Variants in DYNC2I1 observed in about 807,000 individuals in gnomAD.
DYNC2I1 encodes the protein cytoplasmic dynein 2 intermediate chain 1.
In DYNC2I1, 89 loss-of-function variants were observed where a neutral mutation model predicts 133.4. The observed-to-expected ratio is 0.67, with a 90% CI of 0.56 to 0.80. DYNC2I1 has a LOEUF of 0.80. Among genes scored for constraint, DYNC2I1 ranks in the 30% least tolerant of loss-of-function variants. The pLI is 0.00. For missense variants in DYNC2I1, 1,291 were observed against 1,314.5 expected (o/e 0.98, Z 0.28); for synonymous variants, 504 against 484.3 (o/e 1.04, Z -0.54).
intron 1 of DYNC2I1, 45 bp from the exon 2 acceptor site, chr7:158,869,810 A>G: frequency 7.8e-7 from 1 of 1,289,016 alleles, no homozygotes; most frequent in Non-Finnish European, 1.1e-6. Flanking sequence ...ACAACACTGA[A>G]AATAAATTAT....
rs1848741334 is a variant in DYNC2I1, at chr7:158,918,856, AC to A, written c.1910del (p.Pro637HisfsTer57). The part of the protein sequence containing the change: ...DSSSQLNTSL[P>X]FLQNRKVSSL... Reference sequence around the variant, plus strand: ...GCTCATCTCAGCTGAACACCAGTCTACCATTCCTTCAAAGTAAGAGGCTGTT... The same window carrying A: ...GCTCATCTCAGCTGAACACCAGTCTACATTCCTTCAAAGTAAGAGGCTGTT... On this transcript the variant is annotated frameshift_variant, in exon 15 of 25. Coordinates refer to ENST00000407559, the MANE Select transcript of DYNC2I1 (RefSeq NM_018051.5). LOFTEE classifies it high-confidence loss of function. 6.2e-7 allele frequency: 1 copy of A among 1,612,850 alleles called. No individual in the cohort carries two copies. The highest frequency in any genetic ancestry group is 1.3e-5 in the African/African-American group (1 of 74,892).
At chr7:158,901,848 TA>T in intron 9 of DYNC2I1, 32 bp downstream of exon 9, 1 of 1,430,914 alleles carries the variant, frequency 7.0e-7, no homozygotes, top group Non-Finnish European at 9.5e-7. Context: ...TTCCTTAGCT[TA>T]AAAATCATTT....
rs150033298 is a variant in DYNC2I1 at position 158,921,725 on chromosome 7, G to A, written c.1922-652G>A. 3.2e-3 allele frequency among the ~76,000 whole-genome samples: 494 copies of A among 152,300 alleles called. 4 individuals carry two copies. Among genetic ancestry groups the A allele is most frequent in the African/African-American group, 0.011 (465 of 41,556 alleles). On this transcript the variant is annotated intron_variant, in intron 15 of 24. Transcript: ENST00000407559. ...GGTGTGTGTGTGGCTGGGGTTGGCC[G>A]GGTGCTGCTTTCCACATTGACTTGG...
intron 1 of DYNC2I1, among the ~76,000 whole-genome samples, chr7:158,865,862 G>C (rs768671724): frequency 6.6e-6 from 1 of 152,122 alleles, no homozygotes; most frequent in Non-Finnish European, 1.5e-5. Flanking sequence ...CAGGGAAGTC[G>C]TAAATCACTG....
the DYNC2I1 span, among the ~76,000 whole-genome samples, chr7:158,845,237 T>G: frequency 6.6e-6 from 1 of 152,168 alleles, no homozygotes; most frequent in African/African-American, 2.4e-5. Flanking sequence ...GATTTTTTTT[T>G]GTATGGTGAG....
At chr7:158,887,911 A>T (rs898522838) in intron 7 of DYNC2I1, among the ~76,000 whole-genome samples, 1 of 151,578 alleles carries the variant, frequency 6.6e-6, no homozygotes, top group Non-Finnish European at 1.5e-5. Context: ...CACAGTCTTC[A>T]TTATCTTCAC....
intron 17 of DYNC2I1, among the ~76,000 whole-genome samples, 193 bp from the exon 18 acceptor site, chr7:158,925,994 G>T (rs1849574615): frequency 6.6e-6 from 1 of 152,242 alleles, no homozygotes; most frequent in South Asian, 2.1e-4. Context: ...GAATCTGAAA[G>T]TCGTGGTCCT....
In DYNC2I1 at chr7:158,856,725, T is replaced by A. The variant is rs1841267003; in HGVS notation, c.-11T>A. The A allele has an allele frequency of 1.6e-6, 2 of 1,234,146 alleles. No individual in the cohort carries two copies. Among genetic ancestry groups the A allele is most frequent in the South Asian group, 8.2e-5 (2 of 24,326 alleles). 76.4% of individuals were successfully genotyped at this position (1,234,146 alleles called of 1,614,324 possible). On this transcript the variant is annotated 5_prime_UTR_variant, in exon 1 of 25. Coordinates refer to ENST00000407559, the MANE Select transcript of DYNC2I1 (RefSeq NM_018051.5). ...CGAGGACACCGCGGCCGCCCGGGCC[T>A]GCGGGAAGCGATGGAGCCCGGGAAG...
chr7:158,898,268 G>A (rs569655279), intron 8 of DYNC2I1, among the ~76,000 whole-genome samples: 71 of 152,276 alleles, frequency 4.7e-4, no homozygotes, highest in African/African-American at 1.6e-3. Flanking sequence ...TGATGGTGCC[G>A]TGGAGTTCAG....
At chr7:158,869,408 G>A (rs1226250327) in intron 1 of DYNC2I1, 3 of 469,156 alleles carry the variant, frequency 6.4e-6, no homozygotes, top group African/African-American at 6.0e-5. Flanking sequence ...GTCCTGGGAG[G>A]CCCATGATAC....
chr7:158,869,769 T>C (rs1052650254), intron 1 of DYNC2I1, 86 bp from the exon 2 acceptor site: 5 of 1,016,730 alleles, frequency 4.9e-6, no homozygotes, highest in Non-Finnish European at 7.3e-6. Flanking sequence ...CTGCCATTGA[T>C]TTAAATGGCA....
At chr7:158,901,080 T>C (rs769104753) in intron 8 of DYNC2I1, among the ~76,000 whole-genome samples, 19 of 152,138 alleles carry the variant, frequency 1.2e-4, no homozygotes, top group Admixed American at 6.6e-4. Context: ...CTTCAAACTG[T>C]ATTTTCTGCT....
At chr7:158,900,545 T>C (rs1846140529) in intron 8 of DYNC2I1, among the ~76,000 whole-genome samples, 1 of 151,612 alleles carries the variant, frequency 6.6e-6, no homozygotes, top group Non-Finnish European at 1.5e-5. Flanking sequence ...GTGTAGATGT[T>C]TTGATATTGA....
rs562156110 is a variant in DYNC2I1 at position 158,929,441 on chromosome 7, G to A, written c.2486-1014G>A. On this transcript the variant is annotated intron_variant, in intron 20 of 24. Coordinates refer to ENST00000407559, the MANE Select transcript of DYNC2I1 (RefSeq NM_018051.5). ...TGGCGTGTAGGGGCCCAGTCGGAAAGGGCCTGGCCAGAAAGGCTGCCTGTG... is the reference window on the plus strand; with the variant it reads ...TGGCGTGTAGGGGCCCAGTCGGAAAAGGCCTGGCCAGAAAGGCTGCCTGTG... 4.5e-3 allele frequency among the ~76,000 whole-genome samples: 677 copies of A among 149,632 alleles called. 17 individuals carry two copies. Among genetic ancestry groups the A allele is most frequent in the Admixed American group, 0.037 (564 of 15,120 alleles).
intron 15 of DYNC2I1, among the ~76,000 whole-genome samples, chr7:158,921,841 C>G (rs1293811729): frequency 6.6e-6 from 1 of 152,220 alleles, no homozygotes; most frequent in Non-Finnish European, 1.5e-5. Flanking sequence ...CCATCTCCAT[C>G]TTCTGCTGAT....
At chr7:158,906,808 C>G (rs1378917976) in intron 11 of DYNC2I1, among the ~76,000 whole-genome samples, 1 of 152,166 alleles carries the variant, frequency 6.6e-6, no homozygotes, top group Non-Finnish European at 1.5e-5. Context: ...TCACCTAGCT[C>G]AGTATATGGC....
At chr7:158,864,378 C>T (rs1217736064) in intron 1 of DYNC2I1, among the ~76,000 whole-genome samples, 2 of 152,110 alleles carry the variant, frequency 1.3e-5, no homozygotes, top group African/African-American at 4.8e-5. Context: ...TGGAGAGTGC[C>T]TTTGCTGCTT....
downstream of DYNC2I1, among the ~76,000 whole-genome samples, chr7:158,946,426 G>C (rs926076355): frequency 1.3e-5 from 2 of 152,230 alleles, no homozygotes; most frequent in African/African-American, 4.8e-5. Flanking sequence ...ACAGAAATCT[G>C]CACCTCCTGT....
chr7:158,950,139 C>G (rs2129490255), downstream of DYNC2I1, among the ~76,000 whole-genome samples: 1 of 152,296 alleles, frequency 6.6e-6, no homozygotes. Context: ...TCTTGGCTCA[C>G]TGCAGCCTCT....
Sources: allele counts gnomAD v4.1 joint callset (sites outside exome capture counted in the v4.1 genomes callset), GRCh38; gene constraint gnomAD v4.1.1; transcripts MANE v1.5; gene names NCBI Gene and HGNC (gene_info 2026-07-23, HGNC 2026-07-21).